The following LEKR1 variants were observed in gnomAD, a reference collection of about 807,000 sequenced individuals.
LEKR1 encodes protein LEKR1.
In LEKR1, 59 loss-of-function variants were observed where a neutral mutation model predicts 72.4. That is an observed-to-expected ratio of 0.82 (90% CI 0.66 to 1.01). The LOEUF is 1.01. Ranked by LOEUF, LEKR1 falls within the 50% of genes least tolerant of loss-of-function variation. The pLI is 0.00. For synonymous variants in LEKR1, 257 were observed against 263.2 expected, an observed-to-expected ratio of 0.98 and a Z score of 0.23; for missense variants, 728 against 759.2, an observed-to-expected ratio of 0.96 and a Z score of 0.48.
intron 5 of LEKR1, among the ~76,000 whole-genome samples, chr3:156,941,483 A>G (rs557744511): frequency 6.6e-6 from 1 of 152,092 alleles, no homozygotes; most frequent in South Asian, 2.1e-4. Flanking sequence ...TGTCTGTCCT[A>G]TGTATCTCTA....
chr3:157,000,105 C>T (rs1428476611), intron 9 of LEKR1, among the ~76,000 whole-genome samples: 2 of 152,080 alleles, frequency 1.3e-5, no homozygotes, highest in African/African-American at 4.8e-5. Context: ...CTTTTTGTGT[C>T]CCTTCTCCTC....
chr3:156,892,870 A>G (rs1720802707), intron 3 of LEKR1, among the ~76,000 whole-genome samples: 1 of 152,230 alleles, frequency 6.6e-6, no homozygotes. Context: ...AAAATTTAGC[A>G]CAGTTTGGTG....
chr3:156,990,380 T>A (rs998337447), intron 7 of LEKR1, among the ~76,000 whole-genome samples: 8 of 152,138 alleles, frequency 5.3e-5, no homozygotes, highest in African/African-American at 1.9e-4. Context: ...TACTGGGGGG[T>A]TTGTTCTCTT....
intron 6 of LEKR1, among the ~76,000 whole-genome samples, chr3:156,954,949 T>C (rs1727488782): frequency 1.3e-5 from 2 of 152,094 alleles, no homozygotes; most frequent in South Asian, 4.1e-4. Flanking sequence ...CTTTGGGCAG[T>C]ATGGCCATTT....
At chr3:157,008,749 A>G (rs1336629983) in intron 9 of LEKR1, among the ~76,000 whole-genome samples, 1 of 152,218 alleles carries the variant, frequency 6.6e-6, no homozygotes, top group African/African-American at 2.4e-5. Context: ...TAGATTTTGC[A>G]TGTATTTTAT....
At chr3:156,838,597 T>C (rs115501267) in intron 2 of LEKR1, among the ~76,000 whole-genome samples, 2,523 of 152,310 alleles carry the variant, frequency 0.017, 72 homozygotes, top group African/African-American at 0.056. Flanking sequence ...TGACCGTGCT[T>C]AGAATACTCA....
chr3:157,007,375 G>A (rs1422562802), intron 9 of LEKR1, among the ~76,000 whole-genome samples: 1 of 152,116 alleles, frequency 6.6e-6, no homozygotes, highest in Non-Finnish European at 1.5e-5. Context: ...ATTTCAGAGA[G>A]GAAAGCTAGG....
intron 4 of LEKR1, among the ~76,000 whole-genome samples, chr3:156,922,427 A>AT (rs1724293080): frequency 6.6e-6 from 1 of 151,662 alleles, no homozygotes; most frequent in African/African-American, 2.4e-5. Flanking sequence ...AAAAAAAAAA[A>AT]GAGTTAAGGG....
chr3:156,947,762 C>T (rs1305838028), intron 6 of LEKR1, among the ~76,000 whole-genome samples: 3 of 151,226 alleles, frequency 2.0e-5, no homozygotes, highest in South Asian at 2.1e-4. Flanking sequence ...ATTTATTTGA[C>T]GCACCATTAA....
chr3:157,026,164 G>A (rs1209411891), intron 11 of LEKR1, among the ~76,000 whole-genome samples: 6 of 152,064 alleles, frequency 3.9e-5, no homozygotes, highest in Admixed American at 3.9e-4. Context: ...CTCCCCCAAG[G>A]TTCTGCCTCC....
intron 6 of LEKR1, among the ~76,000 whole-genome samples, chr3:156,965,732 T>G (rs539684338): frequency 1.3e-5 from 2 of 152,348 alleles, no homozygotes; most frequent in South Asian, 4.1e-4. Context: ...ATGAATTATG[T>G]AAGTGGCTGT....
At chr3:157,026,008 C>G (rs1734157542) in intron 11 of LEKR1, among the ~76,000 whole-genome samples, 1 of 151,960 alleles carries the variant, frequency 6.6e-6, no homozygotes, top group African/African-American at 2.4e-5. Context: ...TATGATCATA[C>G]CATTGCACTC....
At chr3:156,925,399 C>G (rs1463134624) in intron 4 of LEKR1, 2 of 151,440 alleles carry the variant, frequency 1.3e-5, no homozygotes, top group African/African-American at 4.9e-5. Flanking sequence ...CCTTTTACCT[C>G]TACTCATTTA....
intron 10 of LEKR1, among the ~76,000 whole-genome samples, chr3:157,016,599 A>C (rs531878616): frequency 2.0e-5 from 3 of 151,984 alleles, no homozygotes; most frequent in East Asian, 3.9e-4. Context: ...CTTTAGTCAG[A>C]AGGAAAGCTA....
chr3:156,850,048 A>C (rs902145152), intron 2 of LEKR1, among the ~76,000 whole-genome samples: 1 of 152,144 alleles, frequency 6.6e-6, no homozygotes, highest in African/African-American at 2.4e-5. Context: ...CAATGAACTC[A>C]GACAAATTTA....
intron 2 of LEKR1, among the ~76,000 whole-genome samples, chr3:156,831,314 A>G (rs1712368511): frequency 6.6e-6 from 1 of 152,200 alleles, no homozygotes; most frequent in African/African-American, 2.4e-5. Flanking sequence ...TTGCAAATCC[A>G]TTGGAATAAT....
chr3:156,916,188 T>A (rs1321996976), intron 3 of LEKR1, among the ~76,000 whole-genome samples: 1 of 152,176 alleles, frequency 6.6e-6, no homozygotes, highest in Non-Finnish European at 1.5e-5. Flanking sequence ...TGAAGTTGGA[T>A]AGTGTGATGC....
At chr3:156,953,372 G>T (rs1303397598) in intron 6 of LEKR1, among the ~76,000 whole-genome samples, 1 of 151,396 alleles carries the variant, frequency 6.6e-6, no homozygotes, top group African/African-American at 2.4e-5. Flanking sequence ...AAGTTCTGGG[G>T]TACACATGCA....
At chr3:156,883,017 G>A (rs1719625655) in intron 3 of LEKR1, among the ~76,000 whole-genome samples, 1 of 151,294 alleles carries the variant, frequency 6.6e-6, no homozygotes, top group Non-Finnish European at 1.5e-5. Flanking sequence ...TGGGGGGAGG[G>A]GGGAGAGATA....
Sources: allele counts gnomAD v4.1 joint callset (sites outside exome capture counted in the v4.1 genomes callset), GRCh38; gene constraint gnomAD v4.1.1; transcripts MANE v1.5; gene names NCBI Gene and HGNC (gene_info 2026-07-23, HGNC 2026-07-21).